Variants in DOCK4 observed in about 807,000 individuals in gnomAD.
DOCK4 encodes the protein dedicator of cytokinesis 4, also known as dedicator of cytokinesis protein 4.
In DOCK4, 97 loss-of-function variants were observed where a neutral mutation model predicts 268.1. That is an observed-to-expected ratio of 0.36 (90% CI 0.31 to 0.43). DOCK4 has a LOEUF of 0.43. Among genes scored for constraint, DOCK4 ranks in the 20% least tolerant of loss-of-function variants. The pLI is 1.00. For missense variants in DOCK4, 2,145 were observed against 2,455.7 expected (o/e 0.87, Z 2.67); for synonymous variants, 954 against 887.2 (o/e 1.08, Z -1.34).
chr7:111,969,790 A>G (rs1797558862), intron 8 of DOCK4, among the ~76,000 whole-genome samples: 2 of 152,354 alleles, frequency 1.3e-5, no homozygotes, highest in Admixed American at 6.5e-5. Flanking sequence ...GAAAGCATAA[A>G]CAAATACCAT....
chr7:111,998,716 T>C (rs1236343113), intron 3 of DOCK4, among the ~76,000 whole-genome samples: 1 of 152,090 alleles, frequency 6.6e-6, no homozygotes, highest in African/African-American at 2.4e-5. Flanking sequence ...TTAGAGACAT[T>C]CTAAACAAAT....
chr7:111,739,885 C>T, intron 47 of DOCK4: 2 of 304,718 alleles, frequency 6.6e-6, no homozygotes, highest in South Asian at 2.7e-5. Flanking sequence ...GTCTCCTTTC[C>T]AAAGATAGTG....
intron 39 of DOCK4, among the ~76,000 whole-genome samples, chr7:111,763,716 G>A (rs1797595548): frequency 6.8e-6 from 1 of 146,570 alleles, no homozygotes. Flanking sequence ...CATCTGTGTG[G>A]CTATAGCTCT....
In DOCK4 at chr7:112,035,536, T is replaced by C. The variant is rs534954272; in HGVS notation, c.38-31405A>G. On this transcript the variant is annotated intron_variant, in intron 1 of 52. Transcript: ENST00000428084. Reference sequence around the variant, plus strand: ...AGGAAATGCATGGAAAACAGAACAATAGTATTATGCAGTTAATAAACAAAT... The same window carrying C: ...AGGAAATGCATGGAAAACAGAACAACAGTATTATGCAGTTAATAAACAAAT... 2.2e-3 allele frequency among the ~76,000 whole-genome samples: 340 copies of C among 151,882 alleles called. 1 individual carries two copies. The highest frequency in any genetic ancestry group is 7.7e-3 in the African/African-American group (318 of 41,426).
At position 111,783,568 on chromosome 7, in the gene DOCK4, A is replaced by AT. The variant is rs538422573; in HGVS notation, c.3524+288dup. On this transcript the variant is annotated intron_variant, in intron 34 of 52. Transcript: ENST00000428084. ...GCTAAGTCTAAATACCAAAATAAAG[A>AT]TTTTTTTTTTTTTTGAGAACTCTCA... 3.9e-3 allele frequency among the ~76,000 whole-genome samples: 566 copies of AT among 145,260 alleles called. 2 individuals carry two copies. The highest frequency in any genetic ancestry group is 8.4e-3 in the African/African-American group (338 of 40,022).
chr7:112,084,687 G>C lies in DOCK4; in HGVS notation c.38-80556C>G, dbSNP rs573458346. On this transcript the variant is annotated intron_variant, in intron 1 of 52. Transcript: ENST00000428084. ...CAAGACATGCATAATGAAAACGAAA[G>C]AAAATCCTTGTTTTCTTAGAAAATC... is the stretch of plus-strand genomic sequence containing the variant. Among the ~76,000 whole-genome samples, 3 of 152,180 alleles carry C rather than the reference G, an allele frequency of 2.0e-5. No individual in the cohort carries two copies. The East Asian group carries it at 5.8e-4, about 29-fold the overall frequency.
intron 36 of DOCK4, among the ~76,000 whole-genome samples, chr7:111,770,857 T>G (rs1798084382): frequency 6.6e-6 from 1 of 152,240 alleles, no homozygotes; most frequent in African/African-American, 2.4e-5. Context: ...AGTAATATGC[T>G]GAGTTATAAT....
At chr7:112,140,818 C>T (rs979195904) in intron 1 of DOCK4, among the ~76,000 whole-genome samples, 12 of 152,104 alleles carry the variant, frequency 7.9e-5, no homozygotes, top group African/African-American at 2.9e-4. Flanking sequence ...CACAGAACCA[C>T]ATGGCAGAGA....
At chr7:111,803,665 A>C (rs1277934559) in intron 30 of DOCK4, among the ~76,000 whole-genome samples, 2 of 152,220 alleles carry the variant, frequency 1.3e-5, no homozygotes, top group Admixed American at 6.5e-5. Flanking sequence ...GGAACATTCT[A>C]GTAAAGACTA....
chr7:112,100,269 G>C (rs546065819), intron 1 of DOCK4, among the ~76,000 whole-genome samples: 23 of 152,332 alleles, frequency 1.5e-4, no homozygotes, highest in Admixed American at 1.4e-3. Flanking sequence ...TCTCCTCAAA[G>C]ATAAATTAGT....
intron 44 of DOCK4, among the ~76,000 whole-genome samples, chr7:111,745,930 A>G (rs1405268099): frequency 2.6e-5 from 4 of 152,124 alleles, no homozygotes; most frequent in African/African-American, 9.7e-5. Flanking sequence ...AACTTCATGC[A>G]CAAAATTATT....
Position 111,959,773 on chromosome 7 carries a change from G to GGTAA in DOCK4, c.702-13979_702-13976dup, listed in dbSNP as rs529609996. Among the ~76,000 whole-genome samples, 209 of 152,216 alleles carry GGTAA rather than the reference G, an allele frequency of 1.4e-3. 1 individual carries two copies. Among genetic ancestry groups the GGTAA allele is most frequent in the African/African-American group, 5.0e-3 (206 of 41,556 alleles). ...AGCCTCACCCATTGGAAGCTATGAT[G>GGTAA]GTAACTTCTTAGATTTTCCTTGTGA... On this transcript the variant is annotated intron_variant, in intron 8 of 52. Coordinates refer to ENST00000428084, the MANE Select transcript of DOCK4 (RefSeq NM_001363540.2).
At chr7:112,139,721 G>C (rs1203210890) in intron 1 of DOCK4, among the ~76,000 whole-genome samples, 1 of 152,110 alleles carries the variant, frequency 6.6e-6, no homozygotes, top group South Asian at 2.1e-4. Context: ...CAAAACTAAA[G>C]GGACCAATGA....
At chr7:111,896,710 G>A (rs1432258010) in intron 15 of DOCK4, among the ~76,000 whole-genome samples, 1 of 152,016 alleles carries the variant, frequency 6.6e-6, no homozygotes, top group Non-Finnish European at 1.5e-5. Context: ...TAGGTATGGT[G>A]ATCCTGAAGA....
intron 1 of DOCK4, among the ~76,000 whole-genome samples, chr7:112,046,972 C>T (rs1294048607): frequency 6.6e-6 from 1 of 152,168 alleles, no homozygotes; most frequent in East Asian, 1.9e-4. Context: ...AAAGGTTCTA[C>T]TTTAAGTATC....
chr7:111,900,249 G>T, intron 15 of DOCK4, 125 bp downstream of exon 15: 1 of 1,228,006 alleles, frequency 8.1e-7, no homozygotes, highest in Non-Finnish European at 1.1e-6. Flanking sequence ...AATCTTTCTA[G>T]AATGGAACAA....
intron 1 of DOCK4, among the ~76,000 whole-genome samples, chr7:112,121,428 A>C (rs1812717274): frequency 6.6e-6 from 1 of 152,074 alleles, no homozygotes; most frequent in East Asian, 1.9e-4. Context: ...CATCAACAAA[A>C]CGTTTAACAT....
intron 10 of DOCK4, among the ~76,000 whole-genome samples, chr7:111,941,971 C>A (rs1795243270): frequency 1.3e-5 from 2 of 152,198 alleles, no homozygotes; most frequent in Non-Finnish European, 2.9e-5. Flanking sequence ...TAACGTTAAG[C>A]CACGGCTTTA....
intron 15 of DOCK4, among the ~76,000 whole-genome samples, chr7:111,899,589 G>A (rs75766202): frequency 2.3e-3 from 345 of 152,306 alleles, no homozygotes; most frequent in Non-Finnish European, 4.3e-3. Context: ...TGCCCATGTG[G>A]ACAAACCCTG....
Sources: gnomAD v4.1 joint callset for allele counts (sites outside exome capture counted in the v4.1 genomes callset) on GRCh38, gnomAD v4.1.1 for gene constraint, MANE v1.5 for transcripts, NCBI Gene and HGNC (gene_info 2026-07-23, HGNC 2026-07-21) for gene names.